PAK3: variants seen among roughly 807,000 people sequenced by gnomAD.
The protein encoded by PAK3 is serine/threonine-protein kinase PAK 3.
Under a neutral mutation model 41.0 loss-of-function variants are expected in PAK3, and 4 were observed. That is an observed-to-expected ratio of 0.10 (90% CI 0.05 to 0.22). PAK3 has a LOEUF of 0.22. Among genes scored for constraint, PAK3 ranks in the 10% least tolerant of loss-of-function variants. The probability of loss-of-function intolerance (pLI) is 1.00; values close to 1 mark genes in which losing one functional copy is unlikely to be tolerated. For missense variants in PAK3, 205 were observed against 409.9 expected, an observed-to-expected ratio of 0.50 and a Z score of 4.32; for synonymous variants, 146 against 139.6, an observed-to-expected ratio of 1.05 and a Z score of -0.32.
chrX:111,164,688 TG>T (rs1339178724), intron 10 of PAK3, among the ~76,000 whole-genome samples: 1 of 111,402 alleles, frequency 9.0e-6, no homozygotes, highest in Non-Finnish European at 1.9e-5. Flanking sequence ...GTTGAGTGAG[TG>T]AATGAAAAAA....
intron 10 of PAK3, among the ~76,000 whole-genome samples, chrX:111,171,675 T>C (rs990080572): frequency 2.7e-5 from 3 of 111,739 alleles, no homozygotes; most frequent in African/African-American, 9.7e-5. Context: ...AAACAGAAAG[T>C]AGATTAGTGG....
At chrX:111,013,418 A>C (rs2092040170) in intron 1 of PAK3, among the ~76,000 whole-genome samples, 1 of 110,947 alleles carries the variant, frequency 9.0e-6, no homozygotes, top group African/African-American at 3.3e-5. Context: ...ATCTCTCATT[A>C]GGTCTCTGCT....
chrX:111,160,502 C>T (rs990899176), intron 8 of PAK3, among the ~76,000 whole-genome samples: 5 of 108,439 alleles, frequency 4.6e-5, no homozygotes, highest in African/African-American at 6.8e-5. Context: ...TTTTAGGGTA[C>T]ATGTGCACAA....
chrX:111,203,364 C>T (rs1457440469), intron 16 of PAK3, among the ~76,000 whole-genome samples: 1 of 111,691 alleles, frequency 9.0e-6, no homozygotes, highest in East Asian at 2.8e-4. Context: ...CATATGCCTC[C>T]ATGATATGCT....
chrX:111,067,457 A>C (rs1316853330), intron 1 of PAK3, among the ~76,000 whole-genome samples: 1 of 111,632 alleles, frequency 9.0e-6, no homozygotes, highest in East Asian at 2.8e-4. Flanking sequence ...GCTTGGATGG[A>C]ACCAAGATCC....
chrX:111,075,923 T>G (rs766813326), intron 1 of PAK3, among the ~76,000 whole-genome samples: 2 of 112,745 alleles, frequency 1.8e-5, no homozygotes, highest in South Asian at 3.6e-4. Context: ...GAGAATATTT[T>G]GGAGCTTTAA....
intron 7 of PAK3, among the ~76,000 whole-genome samples, chrX:111,149,828 C>T (rs970805552): frequency 2.6e-4 from 29 of 111,887 alleles, no homozygotes; most frequent in Admixed American, 1.5e-3. Flanking sequence ...GGAGACATTT[C>T]CCCCATGGTC....
chrX:111,203,360 C>A (rs184045869), intron 16 of PAK3, among the ~76,000 whole-genome samples: 1 of 111,744 alleles, frequency 8.9e-6, no homozygotes, highest in East Asian at 2.8e-4. Flanking sequence ...TCAGCATATG[C>A]CTCCATGATA....
chrX:111,167,914 G>T (rs1390694813), intron 10 of PAK3, among the ~76,000 whole-genome samples: 1 of 110,933 alleles, frequency 9.0e-6, no homozygotes, highest in Non-Finnish European at 1.9e-5. Context: ...AATTTCAAAA[G>T]CCATTACTGT....
chrX:111,017,081 T>A (rs1467307129), intron 1 of PAK3, among the ~76,000 whole-genome samples: 4 of 110,623 alleles, frequency 3.6e-5, no homozygotes, highest in African/African-American at 9.8e-5. Context: ...GTGAAAGCAG[T>A]GCTAAAAGTG....
chrX:110,989,561 T>C, intron 1 of PAK3, among the ~76,000 whole-genome samples: 1 of 112,226 alleles, frequency 8.9e-6, no homozygotes, highest in Non-Finnish European at 1.9e-5. Flanking sequence ...AAAGAAAATA[T>C]GTTTGTGATC....
At chrX:111,195,728 C>T (rs1268534684) in intron 14 of PAK3, 114 bp from the exon 15 acceptor site, 1 of 509,915 alleles carries the variant, frequency 2.0e-6, no homozygotes, top group Non-Finnish European at 3.4e-6. Flanking sequence ...ATTCAGTAAT[C>T]GATTTCACTT....
At chrX:111,049,227 T>G (rs1479969627) in intron 1 of PAK3, among the ~76,000 whole-genome samples, 1 of 112,254 alleles carries the variant, frequency 8.9e-6, no homozygotes, top group Non-Finnish European at 1.9e-5. Flanking sequence ...CTTCACCATG[T>G]AAAGTAGCCT....
chrX:110,947,772 A>G (rs1273843468), intron 1 of PAK3, among the ~76,000 whole-genome samples: 1 of 111,493 alleles, frequency 9.0e-6, no homozygotes, highest in Non-Finnish European at 1.9e-5. Context: ...GGGTAAAAGC[A>G]TTCTCTGCTG....
chrX:110,991,755 C>A (rs906387981), intron 1 of PAK3, among the ~76,000 whole-genome samples: 3 of 111,267 alleles, frequency 2.7e-5, no homozygotes, highest in African/African-American at 9.8e-5. Flanking sequence ...TTTAAAATTT[C>A]TTTTGTTGAG....
intron 5 of PAK3, among the ~76,000 whole-genome samples, chrX:111,125,269 G>A (rs572364828): frequency 9.0e-6 from 1 of 111,713 alleles, no homozygotes; most frequent in East Asian, 2.8e-4. Flanking sequence ...GCTAGAGGTG[G>A]TGAAATATCT....
chrX:111,017,167 T>TA (rs2092104862), intron 1 of PAK3, among the ~76,000 whole-genome samples: 1 of 110,650 alleles, frequency 9.0e-6, no homozygotes, highest in Admixed American at 9.6e-5. Context: ...CTTAAGGAAT[T>TA]AAAAAATAAC....
At chrX:111,095,701 T>C (rs1290527379), upstream of PAK3, among the ~76,000 whole-genome samples, 2 of 112,112 alleles carry the variant, frequency 1.8e-5, no homozygotes, top group African/African-American at 6.5e-5. Context: ...CATCTGTCTC[T>C]CTTAGTTTTC....
intron 1 of PAK3, among the ~76,000 whole-genome samples, chrX:110,980,907 G>A (rs926296228): frequency 8.9e-6 from 1 of 112,056 alleles, no homozygotes; most frequent in Non-Finnish European, 1.9e-5. Flanking sequence ...AGGTCAGATC[G>A]TTTCTTTGTG....
Sources: gnomAD v4.1 joint callset for allele counts (sites outside exome capture counted in the v4.1 genomes callset) on GRCh38, gnomAD v4.1.1 for gene constraint, MANE v1.5 for transcripts, NCBI Gene and HGNC (gene_info 2026-07-23, HGNC 2026-07-21) for gene names.